AHCTF1: variants seen among roughly 807,000 people sequenced by gnomAD.
AHCTF1 encodes AT-hook containing transcription factor 1.
AHCTF1 carries 24 observed loss-of-function variants against 248.4 expected under a neutral mutation model. That is an observed-to-expected ratio of 0.10 (90% CI 0.07 to 0.14). The LOEUF (loss-of-function observed/expected upper bound fraction) is 0.14, where lower values mean the gene tolerates loss of function less well. Ranked by LOEUF, AHCTF1 falls within the 10% of genes least tolerant of loss-of-function variation. AHCTF1 has a pLI of 1.00. For missense variants in AHCTF1, 2,206 were observed against 2,636.2 expected (o/e 0.84, Z 3.57); for synonymous variants, 786 against 929.8 (o/e 0.85, Z 2.81).
chr1:246,890,917 T>C (rs1310159090), intron 16 of AHCTF1, 39 bp downstream of exon 16: 5 of 1,245,420 alleles, frequency 4.0e-6, no homozygotes, highest in Non-Finnish European at 5.3e-6. Context: ...AGATTCAGAA[T>C]GTTTTAATTA....
At chr1:246,868,733 A>G (rs1191539936) in intron 24 of AHCTF1, among the ~76,000 whole-genome samples, 1 of 151,330 alleles carries the variant, frequency 6.6e-6, no homozygotes, top group Non-Finnish European at 1.5e-5. Flanking sequence ...ATCTTCTAAG[A>G]AAGGCTTACA....
At chr1:246,845,883 T>C (rs1660221883) in intron 33 of AHCTF1, among the ~76,000 whole-genome samples, 1 of 152,124 alleles carries the variant, frequency 6.6e-6, no homozygotes, top group Non-Finnish European at 1.5e-5. Flanking sequence ...ATGCAAACCA[T>C]GGCTGGGTTA....
At chr1:246,864,962 AAGTACAACTTT>A (rs1661859899) in intron 26 of AHCTF1, among the ~76,000 whole-genome samples, 1 of 152,064 alleles carries the variant, frequency 6.6e-6, no homozygotes, top group Non-Finnish European at 1.5e-5. Context: ...TTTGGTGACA[AAGTACAACTTT>A]AAGATTCTAC....
intron 24 of AHCTF1, among the ~76,000 whole-genome samples, chr1:246,869,035 G>T (rs373188474): frequency 3.3e-5 from 5 of 150,914 alleles, no homozygotes; most frequent in South Asian, 2.1e-4. Flanking sequence ...TAGTAGAGAC[G>T]GGGTTTCACC....
chr1:246,862,445 A>G (rs1474645263), intron 27 of AHCTF1, among the ~76,000 whole-genome samples: 1 of 151,426 alleles, frequency 6.6e-6, no homozygotes, highest in African/African-American at 2.4e-5. Flanking sequence ...GCGCCACTGC[A>G]CTCCAGCCTG....
At chr1:246,876,647 T>C (rs926365059) in intron 23 of AHCTF1, among the ~76,000 whole-genome samples, 4 of 152,228 alleles carry the variant, frequency 2.6e-5, no homozygotes, top group African/African-American at 7.2e-5. Flanking sequence ...CGTCTTCCTC[T>C]ACCACACAAT....
chr1:246,906,056 C>T (rs1282937212), intron 5 of AHCTF1, among the ~76,000 whole-genome samples: 1 of 152,164 alleles, frequency 6.6e-6, no homozygotes, highest in African/African-American at 2.4e-5. Flanking sequence ...ACTGCTCAAC[C>T]ATAAAAGATG....
intron 16 of AHCTF1, 140 bp downstream of exon 16, chr1:246,890,816 G>C: frequency 2.0e-6 from 1 of 501,382 alleles, no homozygotes; most frequent in Non-Finnish European, 3.4e-6. Context: ...TGTAAGAAAA[G>C]AAGGTTAAGC....
chr1:246,918,661 C>T (rs1666315100), intron 1 of AHCTF1, among the ~76,000 whole-genome samples: 1 of 152,206 alleles, frequency 6.6e-6, no homozygotes, highest in Non-Finnish European at 1.5e-5. Context: ...GAGCAAAATC[C>T]AGTCTTAAAA....
chr1:246,917,491 A>G (rs546857311), intron 2 of AHCTF1, among the ~76,000 whole-genome samples: 34 of 152,352 alleles, frequency 2.2e-4, no homozygotes, highest in African/African-American at 7.9e-4. Context: ...ACTTACCTGT[A>G]TAACTGGGAT....
At chr1:246,896,770 T>C (rs1311175502) in intron 12 of AHCTF1, among the ~76,000 whole-genome samples, 1 of 152,162 alleles carries the variant, frequency 6.6e-6, no homozygotes, top group Non-Finnish European at 1.5e-5. Context: ...TCTGGTTTAA[T>C]ATCACAGGAA....
chr1:246,898,424 T>C, intron 11 of AHCTF1, 88 bp from the exon 12 acceptor site: 1 of 1,355,308 alleles, frequency 7.4e-7, no homozygotes, highest in Non-Finnish European at 1.0e-6. Flanking sequence ...AAAATTTAAG[T>C]AAAATTTAAA....
intron 13 of AHCTF1, 137 bp downstream of exon 13, chr1:246,895,698 T>A: frequency 1.5e-6 from 1 of 671,970 alleles, no homozygotes; most frequent in Non-Finnish European, 2.5e-6. Flanking sequence ...GGGGGTGGGA[T>A]CTCTCTATTG....
rs557436498 is a variant in AHCTF1 at position 246,888,885 on chromosome 1, C to G, written c.2145-368G>C. On this transcript the variant is annotated intron_variant, in intron 17 of 35. Coordinates refer to ENST00000648844, the MANE Select transcript of AHCTF1 (RefSeq NM_001323342.2). ...TGCCACTGCACTGCAGCCTGGGCAACAGAGACCCTGTCTCTAAAAACAGAG... is the reference window on the plus strand; with the variant it reads ...TGCCACTGCACTGCAGCCTGGGCAAGAGAGACCCTGTCTCTAAAAACAGAG... Among the ~76,000 whole-genome samples, 16 of 152,290 alleles carry G rather than the reference C, an allele frequency of 1.1e-4. 1 individual carries two copies. In the South Asian group the frequency reaches 3.3e-3, roughly 32 times the overall value.
chr1:246,918,698 G>T (rs1666318022), intron 1 of AHCTF1, among the ~76,000 whole-genome samples: 1 of 152,206 alleles, frequency 6.6e-6, no homozygotes, highest in South Asian at 2.1e-4. Context: ...TGGGACCAAG[G>T]TATTCTACTG....
chr1:246,886,201 C>T (rs1052952225), intron 20 of AHCTF1, among the ~76,000 whole-genome samples: 3 of 151,960 alleles, frequency 2.0e-5, no homozygotes, highest in Non-Finnish European at 4.4e-5. Context: ...TAGGGTGGTG[C>T]GTACCTATAG....
Position 246,869,139 on chromosome 1 carries a change from G to A in AHCTF1, c.3089-1328C>T, listed in dbSNP as rs563094999. Among the ~76,000 whole-genome samples the A allele has an allele frequency of 6.3e-4, 95 of 151,992 alleles. 1 individual carries two copies. Among genetic ancestry groups the A allele is most frequent in the South Asian group, 1.2e-3 (6 of 4,814 alleles). ...ATTACAGGCGTGAGCCACCACGCCC[G>A]GCCGTGTGTTTTGTTTTTTTAAACA... is the stretch of plus-strand genomic sequence containing the variant. On this transcript the variant is annotated intron_variant, in intron 24 of 35. Coordinates refer to ENST00000648844, the MANE Select transcript of AHCTF1 (RefSeq NM_001323342.2).
chr1:246,931,068 GT>G, intron 1 of AHCTF1: 1 of 1,537,608 alleles, frequency 6.5e-7, no homozygotes. Context: ...GACCAATCGG[GT>G]GAGCTGGAAC....
chr1:246,845,074 T>C (rs927082612), intron 33 of AHCTF1, among the ~76,000 whole-genome samples: 2 of 152,214 alleles, frequency 1.3e-5, no homozygotes, highest in African/African-American at 4.8e-5. Context: ...CTACAGATGT[T>C]TGCATTTGTT....
Sources: gnomAD v4.1 joint callset for allele counts (sites outside exome capture counted in the v4.1 genomes callset) on GRCh38, gnomAD v4.1.1 for gene constraint, MANE v1.5 for transcripts, NCBI Gene and HGNC (gene_info 2026-07-23, HGNC 2026-07-21) for gene names.